The following BMP5 variants were observed in gnomAD, a reference collection of about 807,000 sequenced individuals.
BMP5 encodes the protein bone morphogenetic protein 5.
In BMP5, 23 loss-of-function variants were observed where a neutral mutation model predicts 46.6. The observed-to-expected ratio is 0.49, with a 90% CI of 0.35 to 0.70. BMP5 has a LOEUF of 0.70. BMP5 is among the 30% of genes least tolerant of loss of function. The pLI is 0.00. For missense variants in BMP5, 545 were observed against 565.6 expected (o/e 0.96, Z 0.37); for synonymous variants, 204 against 191.9 (o/e 1.06, Z -0.52).
intron 3 of BMP5, among the ~76,000 whole-genome samples, chr6:55,790,495 C>T (rs557184363): frequency 2.0e-5 from 3 of 152,276 alleles, no homozygotes; most frequent in African/African-American, 7.2e-5. Context: ...GATCAAGCTA[C>T]AAGAGAATAT....
intron 1 of BMP5, among the ~76,000 whole-genome samples, chr6:55,862,889 TA>T (rs954462337): frequency 1.3e-5 from 2 of 152,176 alleles, no homozygotes; most frequent in South Asian, 2.1e-4. Context: ...AACAGACTTT[TA>T]AAAAAAATTC....
At position 55,859,368 on chromosome 6, in the gene BMP5, C is replaced by G. The variant is rs549037359; in HGVS notation, c.490+15008G>C. 2.0e-5 allele frequency among the ~76,000 whole-genome samples: 3 copies of G among 152,074 alleles called. No homozygotes were observed. In the South Asian group the frequency reaches 6.2e-4, roughly 32 times the overall value. On this transcript the variant is annotated intron_variant, in intron 1 of 6. Transcript: ENST00000370830. ...TTTAAGAACATATGAGTAAAAATAG[C>G]TATTGCAACACAGCACACAATAGTA...
chr6:55,820,052 C>T (rs934290106), intron 1 of BMP5, among the ~76,000 whole-genome samples: 1 of 152,100 alleles, frequency 6.6e-6, no homozygotes, highest in African/African-American at 2.4e-5. Flanking sequence ...GCAATATAAC[C>T]TCTGCGGTTT....
rs760515618 is a variant in BMP5 at position 55,754,792 on chromosome 6, G to C, written c.*741C>G. On this transcript the variant is annotated 3_prime_UTR_variant, in exon 7 of 7. Transcript: ENST00000370830. Reference sequence around the variant, plus strand: ...AGACATGATTTATTTGAGGTAAGAAGGTTGTACTACAATTAGTGTTAACTT... The same window carrying C: ...AGACATGATTTATTTGAGGTAAGAACGTTGTACTACAATTAGTGTTAACTT... The C allele has an allele frequency of 6.6e-6, 1 of 152,030 alleles. No homozygotes were observed. The highest frequency in any genetic ancestry group is 2.4e-5 in the African/African-American group (1 of 41,458). The allele number at this position is 152,030 out of a possible 1,614,324, so 9.4% of individuals were successfully genotyped here. A position where few individuals can be genotyped will look rare whatever the true frequency, so the allele number is the denominator to read the frequency against.
At chr6:55,814,380 C>A (rs1162701418) in intron 2 of BMP5, among the ~76,000 whole-genome samples, 2 of 152,118 alleles carry the variant, frequency 1.3e-5, no homozygotes, top group Non-Finnish European at 2.9e-5. Context: ...TTATTATCAA[C>A]TATGATCTTT....
Position 55,778,057 on chromosome 6 carries a change from A to G in BMP5, c.833-3814T>C, listed in dbSNP as rs1431687166. On this transcript the variant is annotated intron_variant, in intron 3 of 6. Transcript: ENST00000370830. ...AAAGAGTAGTACCAGCTCAAAGCTGAGCGGAGCAGCAATCTGACAACACTG... is the reference window on the plus strand; with the variant it reads ...AAAGAGTAGTACCAGCTCAAAGCTGGGCGGAGCAGCAATCTGACAACACTG... 3.3e-5 allele frequency among the ~76,000 whole-genome samples: 5 copies of G among 152,072 alleles called. No homozygotes were observed. The East Asian group carries it at 9.7e-4, about 29-fold the overall frequency.
At chr6:55,756,903 C>T (rs1056754457) in intron 6 of BMP5, among the ~76,000 whole-genome samples, 1 of 151,858 alleles carries the variant, frequency 6.6e-6, no homozygotes, top group African/African-American at 2.4e-5. Context: ...AATGGTTTCT[C>T]AATATATTAG....
chr6:55,819,599 T>C (rs1297277332), intron 2 of BMP5, 56 bp downstream of exon 2: 4 of 1,423,514 alleles, frequency 2.8e-6, no homozygotes, highest in Non-Finnish European at 3.9e-6. Context: ...TCAATGGCTT[T>C]TACTAAAATT....
intron 2 of BMP5, among the ~76,000 whole-genome samples, chr6:55,808,962 A>C (rs1461105543): frequency 6.6e-6 from 1 of 152,200 alleles, no homozygotes; most frequent in Non-Finnish European, 1.5e-5. Context: ...ATGTACCTTC[A>C]TGAATCTAGG....
At chr6:55,762,477 A>G (rs1004854036) in intron 4 of BMP5, among the ~76,000 whole-genome samples, 1 of 152,136 alleles carries the variant, frequency 6.6e-6, no homozygotes, top group Non-Finnish European at 1.5e-5. Context: ...ATTTATTCCT[A>G]CTATGCAATT....
rs1562034524 is a variant in BMP5 at position 55,780,590 on chromosome 6, G to T, written c.833-6347C>A. Among the ~76,000 whole-genome samples the T allele has an allele frequency of 2.0e-5, 3 of 152,050 alleles. No homozygotes were observed. In the East Asian group the frequency reaches 5.8e-4, roughly 29 times the overall value. ...TATGTTAGGGATAAAGAAGTTTAAAGGGGATAGAGATTTTTTAAAGTGTTG... is the reference window on the plus strand; with the variant it reads ...TATGTTAGGGATAAAGAAGTTTAAATGGGATAGAGATTTTTTAAAGTGTTG... On this transcript the variant is annotated intron_variant, in intron 3 of 6. Transcript: ENST00000370830.
At chr6:55,818,337 A>G (rs1417788010) in intron 2 of BMP5, among the ~76,000 whole-genome samples, 1 of 152,072 alleles carries the variant, frequency 6.6e-6, no homozygotes, top group African/African-American at 2.4e-5. Flanking sequence ...TCAGACGCAT[A>G]TAAAAAGTTT....
chr6:55,845,062 C>A (rs1018012868), intron 1 of BMP5, among the ~76,000 whole-genome samples: 6 of 151,924 alleles, frequency 3.9e-5, no homozygotes, highest in African/African-American at 1.4e-4. Flanking sequence ...AAATGCTGTT[C>A]TTTAAGTTAT....
At chr6:55,820,797 A>G (rs959939648) in intron 1 of BMP5, among the ~76,000 whole-genome samples, 2 of 152,160 alleles carry the variant, frequency 1.3e-5, no homozygotes, top group African/African-American at 2.4e-5. Flanking sequence ...GTCCAGTACA[A>G]AGTCTCTCAA....
At chr6:55,818,472 A>T (rs1246351431) in intron 2 of BMP5, among the ~76,000 whole-genome samples, 1 of 152,152 alleles carries the variant, frequency 6.6e-6, no homozygotes, top group Non-Finnish European at 1.5e-5. Flanking sequence ...TATTAGTCTC[A>T]AACTTTGGGC....
chr6:55,863,635 G>A (rs1051617511), intron 1 of BMP5, among the ~76,000 whole-genome samples: 1 of 152,082 alleles, frequency 6.6e-6, no homozygotes, highest in Non-Finnish European at 1.5e-5. Flanking sequence ...TATACGATAA[G>A]CAGCCACATA....
intron 1 of BMP5, among the ~76,000 whole-genome samples, chr6:55,824,287 A>G (rs1475487906): frequency 6.6e-6 from 1 of 151,980 alleles, no homozygotes; most frequent in East Asian, 1.9e-4. Flanking sequence ...AGAAGAAAAA[A>G]AAACAGAGAA....
At chr6:55,840,632 C>T (rs1776925219) in intron 1 of BMP5, among the ~76,000 whole-genome samples, 1 of 152,066 alleles carries the variant, frequency 6.6e-6, no homozygotes, top group Non-Finnish European at 1.5e-5. Context: ...TCTTTATCTA[C>T]TTTAGTCATG....
At chr6:55,859,024 C>G (rs1009004562) in intron 1 of BMP5, among the ~76,000 whole-genome samples, 3 of 152,124 alleles carry the variant, frequency 2.0e-5, no homozygotes, top group African/African-American at 7.2e-5. Context: ...GGGCTTAAAA[C>G]CTAGATGATA....
Sources: allele counts gnomAD v4.1 joint callset (sites outside exome capture counted in the v4.1 genomes callset), GRCh38; gene constraint gnomAD v4.1.1; transcripts MANE v1.5; gene names NCBI Gene and HGNC (gene_info 2026-07-23, HGNC 2026-07-21).